The following SPINK2 variants were observed in gnomAD, a reference collection of about 807,000 sequenced individuals.
SPINK2 encodes the protein serine peptidase inhibitor Kazal type 2.
In SPINK2, 8 loss-of-function variants were observed where a neutral mutation model predicts 13.5. The ratio of observed to expected loss-of-function variants is 0.59; its 90% confidence interval spans 0.35 to 1.07. The LOEUF (loss-of-function observed/expected upper bound fraction) is 1.07. Among genes scored for constraint, SPINK2 ranks in the 50% least tolerant of loss-of-function variants. The probability of loss-of-function intolerance (pLI) is 0.02; values close to 1 mark genes in which losing one functional copy is unlikely to be tolerated. For synonymous variants in SPINK2, 76 were observed against 74.7 expected (o/e 1.02, Z -0.09); for missense variants, 148 against 180.3 (o/e 0.82, Z 1.03).
Position 56,821,441 on chromosome 4 carries a change from A to AG in SPINK2, c.205+16dup. On this transcript the variant is annotated intron_variant, in intron 1 of 3. Coordinates refer to ENST00000506738, the MANE Select transcript of SPINK2 (RefSeq NM_001271718.2). Reference sequence around the variant, plus strand: ...CCACAAAGCCACCCCCACAACCCCCAGTTCGCGTTCCTCCACCTGGCAGGT... The same window carrying AG: ...CCACAAAGCCACCCCCACAACCCCCAGGTTCGCGTTCCTCCACCTGGCAGGT... The AG allele has an allele frequency of 6.7e-7, 1 of 1,501,520 alleles. No homozygotes were observed. Among genetic ancestry groups the AG allele is most frequent in the African/African-American group, 1.4e-5 (1 of 70,728 alleles). 93.0% of individuals were successfully genotyped at this position (1,501,520 alleles called of 1,614,324 possible).
chr4:56,810,505 C>T, intron 3 of SPINK2: 1 of 267,606 alleles, frequency 3.7e-6, no homozygotes, highest in South Asian at 4.9e-5. Flanking sequence ...GGGTTTGAGA[C>T]CAGCCTGGCC....
At chr4:56,816,918 AG>A (rs1277476799) in intron 2 of SPINK2, among the ~76,000 whole-genome samples, 1 of 151,792 alleles carries the variant, frequency 6.6e-6, no homozygotes, top group Non-Finnish European at 1.5e-5. Context: ...TAAAACATCT[AG>A]AAAGACCAGG....
rs1052345465 is a variant in SPINK2 at position 56,821,531 on chromosome 4, G to A, written c.132C>T (p.Pro44=). 1 of 1,545,298 alleles carries A rather than the reference G, an allele frequency of 6.5e-7. No homozygotes were observed. The highest frequency in any genetic ancestry group is 2.0e-5 in the Admixed American group (1 of 50,904). ...CGCCGAGGCCGCCCGGAGCAGGGCA[G>A]GGTCCGCCGCCGGTCTGACTCCCAA... is the stretch of plus-strand genomic sequence containing the variant. ...SGFGSQTGGG[P]CPAPGGLGDG... is the part of the protein sequence containing the mutation. Residue 44 remains proline (P), a synonymous_variant, in exon 1 of 4, where the codon CCC becomes CCT. Coordinates refer to ENST00000506738, the MANE Select transcript of SPINK2 (RefSeq NM_001271718.2).
rs373421802 is a variant in SPINK2 at position 56,811,123 on chromosome 4, A to G, written c.359+562T>C. Among the ~76,000 whole-genome samples, 10 of 152,318 alleles carry G rather than the reference A, an allele frequency of 6.6e-5. No homozygotes were observed. The East Asian group carries it at 9.6e-4, about 15-fold the overall frequency. On this transcript the variant is annotated intron_variant, in intron 3 of 3. Transcript: ENST00000506738. The stretch of plus-strand genomic sequence containing the variant: ...GACTCTTAATTTTAGGAAATTTCAC[A>G]TTTGTGGGCAATAACATAATTTGAT...
At position 56,821,673 on chromosome 4, in the gene SPINK2, C is replaced by G; in HGVS notation, c.-11G>C. The G allele has an allele frequency of 6.6e-7, 1 of 1,523,642 alleles. No individual in the cohort carries two copies. The highest frequency in any genetic ancestry group is 8.8e-7 in the Non-Finnish European group (1 of 1,137,996). The allele number at this position is 1,523,642 out of a possible 1,614,324, so 94.4% of individuals were successfully genotyped here. A position where few individuals can be genotyped will look rare whatever the true frequency, so the allele number is the denominator to read the frequency against. Reference sequence around the variant, plus strand: ...CACCGACAGCGCCATCCTCCTCCCGCGCCGGCTGTCTTGCCCCTGCGGTCT... The same window carrying G: ...CACCGACAGCGCCATCCTCCTCCCGGGCCGGCTGTCTTGCCCCTGCGGTCT... On this transcript the variant is annotated 5_prime_UTR_variant, in exon 1 of 4. Transcript: ENST00000506738.
intron 2 of SPINK2, among the ~76,000 whole-genome samples, chr4:56,817,853 CAA>C (rs74266184): frequency 1.8e-4 from 14 of 76,238 alleles, no homozygotes; most frequent in Admixed American, 2.9e-4. Context: ...AACTCCATCT[CAA>C]AAAAAAAAAA....
Position 56,814,626 on chromosome 4 carries a change from C to T in SPINK2, c.250-2832G>A, listed in dbSNP as rs1372932673. ...GAGAAGTGGTTGGCATTGGAGTTAA[C>T]AGTTTAAAGGAACCTCCAAAACTCT... On this transcript the variant is annotated intron_variant, in intron 2 of 3. Transcript: ENST00000506738. Among the ~76,000 whole-genome samples the T allele has an allele frequency of 2.6e-5, 4 of 151,866 alleles. No individual in the cohort carries two copies. In the East Asian group the frequency reaches 7.8e-4, roughly 30 times the overall value.
At chr4:56,814,797 TA>T (rs1241180602) in intron 2 of SPINK2, among the ~76,000 whole-genome samples, 1 of 151,530 alleles carries the variant, frequency 6.6e-6, no homozygotes, top group African/African-American at 2.4e-5. Context: ...CCGCCTCTAC[TA>T]AAAATACAAA....
At chr4:56,810,949 T>C (rs577215365) in intron 3 of SPINK2, among the ~76,000 whole-genome samples, 33 of 152,022 alleles carry the variant, frequency 2.2e-4, no homozygotes, top group African/African-American at 8.0e-4. Context: ...GCATATCAAG[T>C]ATCATACACT....
At chr4:56,813,985 G>A (rs578125712) in intron 2 of SPINK2, among the ~76,000 whole-genome samples, 116 of 143,518 alleles carry the variant, frequency 8.1e-4, no homozygotes, top group Non-Finnish European at 9.9e-4. Flanking sequence ...GTGCAGTGGC[G>A]CGATCTTGGC....
At position 56,820,533 on chromosome 4, in the gene SPINK2, T is replaced by C. The variant is rs935744339; in HGVS notation, c.249+3A>G. On this transcript the variant is annotated splice_donor_region_variant and intron_variant, in intron 2 of 3. Coordinates refer to ENST00000506738, the MANE Select transcript of SPINK2 (RefSeq NM_001271718.2). ...GAAACAGTAGAAGTGGTTTGCTACT[T>C]ACCGTTCTATATTTTGAAAACAGAC... The C allele has an allele frequency of 1.9e-6, 3 of 1,609,316 alleles. No homozygotes were observed. Among genetic ancestry groups the C allele is most frequent in the African/African-American group, 1.3e-5 (1 of 74,804 alleles).
rs147618864 is a variant in SPINK2, at chr4:56,813,237, C to T, written c.250-1443G>A. Among the ~76,000 whole-genome samples, 691 of 152,210 alleles carry T rather than the reference C, an allele frequency of 4.5e-3. 9 individuals are homozygous for T. Among genetic ancestry groups the T allele is most frequent in the African/African-American group, 0.014 (565 of 41,540 alleles). On this transcript the variant is annotated intron_variant, in intron 2 of 3. Coordinates refer to ENST00000506738, the MANE Select transcript of SPINK2 (RefSeq NM_001271718.2). ...ACTTGAGAGGCTGAGACAGGAGAAT[C>T]GTTTGAACCTGGGAGGCAGAGGTTG...
chr4:56,816,119 A>G (rs1204059966), intron 2 of SPINK2, among the ~76,000 whole-genome samples: 1 of 152,198 alleles, frequency 6.6e-6, no homozygotes, highest in Admixed American at 6.5e-5. Flanking sequence ...AAGAAAAAGG[A>G]CTAATAAACA....
chr4:56,815,473 G>A (rs1052395895), intron 2 of SPINK2, among the ~76,000 whole-genome samples: 6 of 152,158 alleles, frequency 3.9e-5, no homozygotes, highest in African/African-American at 7.2e-5. Context: ...GCCAAGGCAG[G>A]CAGATCACTT....
intron 2 of SPINK2, among the ~76,000 whole-genome samples, chr4:56,812,696 A>T (rs1315190935): frequency 1.3e-5 from 2 of 152,010 alleles, no homozygotes; most frequent in Non-Finnish European, 2.9e-5. Context: ...CTTCACTAAA[A>T]TCTCCATGTG....
Position 56,810,151 on chromosome 4 carries a change from A to G in SPINK2, c.393T>C (p.Asn131=). The change falls in exon 4 of 4, where the codon AAT becomes AAC. Residue 131 remains asparagine, a synonymous_variant. Coordinates refer to ENST00000506738, the MANE Select transcript of SPINK2 (RefSeq NM_001271718.2). ...GTAAACTGCTCCATCAGCAGGGTCC[A>G]TTTCGAATGATTTTAATATTATGAC... ...EGGHNIKIIR[N]GPC The G allele has an allele frequency of 6.2e-7, 1 of 1,609,826 alleles. No individual in the cohort carries two copies. Among genetic ancestry groups the G allele is most frequent in the East Asian group, 2.2e-5 (1 of 44,856 alleles).
intron 2 of SPINK2, among the ~76,000 whole-genome samples, chr4:56,813,035 A>T (rs536520460): frequency 6.6e-6 from 1 of 152,292 alleles, no homozygotes; most frequent in South Asian, 2.1e-4. Context: ...TAATTCTCAT[A>T]GAAGAGCGGA....
rs570532031 is a variant in SPINK2, at chr4:56,821,510, G to A, written c.153C>T (p.Leu51=). 5.2e-6 allele frequency: 8 copies of A among 1,540,884 alleles called. No homozygotes were observed. Among genetic ancestry groups the A allele is most frequent in the African/African-American group, 4.1e-5 (3 of 72,702 alleles). ...TAACGGGCGCGCGGGTACCGTCGCC[G>A]AGGCCGCCCGGAGCAGGGCAGGGTC... is the stretch of plus-strand genomic sequence containing the variant. ...GGGPCPAPGG[L]GDGTRAPVTG... The change falls in exon 1 of 4, where the codon CTC becomes CTT. Residue 51 remains leucine, a synonymous_variant. Transcript: ENST00000506738.
In SPINK2 at chr4:56,821,632, G is replaced by A. The variant is rs772806927; in HGVS notation, c.31C>T (p.Leu11=). The A allele has an allele frequency of 1.9e-6, 3 of 1,547,952 alleles. No individual in the cohort carries two copies. The African/African-American group carries it at 4.1e-5, about 21-fold the overall frequency. MALSVLRLAL[L]LLAVTFAGSA... ...CCTGCGAAGGTAACTGCCAGGAGCA[G>A]CAGCGCCAAGCGCAGCACCGACAGC... is the stretch of plus-strand genomic sequence containing the variant. Residue 11 remains leucine (L), a synonymous_variant, in exon 1 of 4, where the codon CTG becomes TTG. Transcript: ENST00000506738.
Sources: gnomAD v4.1 joint callset for allele counts (sites outside exome capture counted in the v4.1 genomes callset) on GRCh38, gnomAD v4.1.1 for gene constraint, MANE v1.5 for transcripts, NCBI Gene and HGNC (gene_info 2026-07-23, HGNC 2026-07-21) for gene names.